The following ANO2 variants were observed in gnomAD, a reference collection of about 807,000 sequenced individuals.
ANO2 encodes the protein anoctamin-2.
ANO2 carries 101 observed loss-of-function variants against 124.2 expected under a neutral mutation model. That is an observed-to-expected ratio of 0.81 (90% CI 0.69 to 0.96). The LOEUF is 0.96. Among genes scored for constraint, ANO2 ranks in the 40% least tolerant of loss-of-function variants. The pLI, the probability that ANO2 is intolerant of heterozygous loss-of-function variation, is 0.00. For missense variants in ANO2, 1,293 were observed against 1,274.5 expected (o/e 1.01, Z -0.22); for synonymous variants, 486 against 482.5 (o/e 1.01, Z -0.09).
intron 7 of ANO2, among the ~76,000 whole-genome samples, chr12:5,827,162 C>A (rs1340982080): frequency 3.3e-5 from 5 of 152,218 alleles, no homozygotes; most frequent in Non-Finnish European, 7.3e-5. Flanking sequence ...AGGATCTGGA[C>A]TGCCTGCCTT....
In ANO2 at chr12:5,635,223, A is replaced by G. The variant is rs971133766; in HGVS notation, c.1745T>C (p.Ile582Thr). 19 of 1,612,188 alleles carry G rather than the reference A, an allele frequency of 1.2e-5. No homozygotes were observed. The highest frequency in any genetic ancestry group is 1.5e-5 in the Non-Finnish European group (18 of 1,179,486). Residue 582 changes from isoleucine to threonine, a missense_variant, in exon 16 of 25, where the codon ATC becomes ACC. Ile to Thr is a moderately conservative substitution (Grantham distance 89). Transcript: ENST00000682330. This position sits in a 1 kb window ranked among gnomAD's most constrained non-coding sequence, Gnocchi z 5.2. ...GATGAGGATGACCACGAGGTTGATG[A>G]TGACTGCTGTTGCTGTCACTGTCAC... ...VRVTVTATAVIINLVVILILD... is the reference protein window; with the variant it reads ...VRVTVTATAVTINLVVILILD...
chr12:5,592,803 ACT>A (rs1565450050), intron 20 of ANO2, among the ~76,000 whole-genome samples: 1 of 151,710 alleles, frequency 6.6e-6, no homozygotes, highest in Non-Finnish European at 1.5e-5. Flanking sequence ...ACAAATAGAA[ACT>A]CTCCCCAGTT....
intron 15 of ANO2, among the ~76,000 whole-genome samples, chr12:5,647,370 T>C (rs1475616343): frequency 6.6e-6 from 1 of 152,236 alleles, no homozygotes; most frequent in African/African-American, 2.4e-5. Context: ...GAGCCCAAGC[T>C]GGCTATCTCC....
At chr12:5,749,321 G>A (rs1169396992) in intron 11 of ANO2, among the ~76,000 whole-genome samples, 6 of 152,120 alleles carry the variant, frequency 3.9e-5, no homozygotes, top group African/African-American at 1.4e-4. Context: ...AAGCTATCCT[G>A]CCCCCTAGCC....
At chr12:5,796,496 G>A (rs1348035254) in intron 10 of ANO2, among the ~76,000 whole-genome samples, 2 of 144,854 alleles carry the variant, frequency 1.4e-5, no homozygotes, top group Non-Finnish European at 3.0e-5. Context: ...ACAACACACA[G>A]AGACACACTC....
At chr12:5,714,883 A>T (rs1408314989) in intron 14 of ANO2, among the ~76,000 whole-genome samples, 3 of 152,214 alleles carry the variant, frequency 2.0e-5, no homozygotes, top group South Asian at 2.1e-4. Flanking sequence ...GCCCTATCAG[A>T]TTTGTTTGGG....
chr12:5,829,957 C>G (rs1439551052), intron 6 of ANO2, among the ~76,000 whole-genome samples: 1 of 152,154 alleles, frequency 6.6e-6, no homozygotes, highest in African/African-American at 2.4e-5. Context: ...TATAGAAATT[C>G]ACATGACTCT....
chr12:5,912,982 CAT>C (rs1407829355), intron 3 of ANO2, among the ~76,000 whole-genome samples: 17 of 152,160 alleles, frequency 1.1e-4, no homozygotes, highest in Admixed American at 1.1e-3. Flanking sequence ...CACAAGCAAC[CAT>C]CCCACTCCAG....
At chr12:5,795,065 A>C (rs1952807637) in intron 10 of ANO2, among the ~76,000 whole-genome samples, 1 of 151,392 alleles carries the variant, frequency 6.6e-6, no homozygotes, top group Non-Finnish European at 1.5e-5. Context: ...GCCCAGAGAC[A>C]AGGAGGGATG....
At position 5,676,183 on chromosome 12, in the gene ANO2, C is replaced by G. The variant is rs544492632; in HGVS notation, c.1546-28382G>C. 7.9e-5 allele frequency among the ~76,000 whole-genome samples: 12 copies of G among 152,330 alleles called. No individual in the cohort carries two copies. The South Asian group carries it at 2.5e-3, about 32-fold the overall frequency. On this transcript the variant is annotated intron_variant, in intron 14 of 24. Coordinates refer to ENST00000682330, the MANE Select transcript of ANO2 (RefSeq NM_001364791.2). ...CCTCTCCTGGAGGGGAAGATGTTCTCTGGGCACCCAGATACCAAAGCAAGA... is the reference window on the plus strand; with the variant it reads ...CCTCTCCTGGAGGGGAAGATGTTCTGTGGGCACCCAGATACCAAAGCAAGA...
Position 5,605,095 on chromosome 12 carries a change from C to T in ANO2, c.2088-5466G>A, listed in dbSNP as rs146046360. Reference sequence around the variant, plus strand: ...TGGGCCCTAGACAGGTCCCTACAGACGTGGCTCCACAGATCTTTAGCCTCA... The same window carrying T: ...TGGGCCCTAGACAGGTCCCTACAGATGTGGCTCCACAGATCTTTAGCCTCA... On this transcript the variant is annotated intron_variant, in intron 19 of 24. Transcript: ENST00000682330. Among the ~76,000 whole-genome samples, 1,063 of 152,196 alleles carry T rather than the reference C, an allele frequency of 7.0e-3. 6 individuals carry two copies. The highest frequency in any genetic ancestry group is 0.015 in the African/African-American group (616 of 41,514).
intron 16 of ANO2, among the ~76,000 whole-genome samples, chr12:5,615,758 T>G (rs1281408149): frequency 2.6e-5 from 4 of 152,148 alleles, no homozygotes; most frequent in African/African-American, 9.7e-5. Context: ...GATTCCTCTT[T>G]CTCTCCTTCA....
chr12:5,895,796 GA>G lies in ANO2; in HGVS notation c.534+25243del, dbSNP rs939256112. Reference sequence around the variant, plus strand: ...CCCACTTCTGGGTAGCTACCCAAAGGAAAAAAAAAAAGTCATTATATGAAAA... The same window carrying G: ...CCCACTTCTGGGTAGCTACCCAAAGGAAAAAAAAAAGTCATTATATGAAAA... On this transcript the variant is annotated intron_variant, in intron 3 of 24. Transcript: ENST00000682330. Among the ~76,000 whole-genome samples the G allele has an allele frequency of 6.6e-3, 934 of 141,768 alleles. 6 individuals are homozygous for G. The highest frequency in any genetic ancestry group is 0.022 in the African/African-American group (853 of 38,872). 93.0% of individuals were successfully genotyped at this position (141,768 alleles called of 152,430 possible).
At chr12:5,922,524 G>A (rs909199357) in intron 2 of ANO2, 96 bp downstream of exon 2, 2 of 1,334,072 alleles carry the variant, frequency 1.5e-6, no homozygotes, top group African/African-American at 3.0e-5. Context: ...ACGCACACAT[G>A]TGCTCCCAAC....
intron 19 of ANO2, among the ~76,000 whole-genome samples, chr12:5,600,840 C>T (rs556218970): frequency 6.6e-6 from 1 of 152,294 alleles, no homozygotes; most frequent in East Asian, 1.9e-4. Context: ...CCCATGTCCC[C>T]CAACATTCTT....
intron 3 of ANO2, among the ~76,000 whole-genome samples, 190 bp downstream of exon 3, chr12:5,920,850 G>C (rs910336148): frequency 6.6e-6 from 1 of 152,034 alleles, no homozygotes; most frequent in Non-Finnish European, 1.5e-5. Context: ...CTTGGTGACA[G>C]AGCAAGACTC....
In ANO2 at chr12:5,647,761, C is replaced by G. The variant is rs765202673; in HGVS notation, c.1586G>C (p.Gly529Ala). 34 of 1,610,476 alleles carry G rather than the reference C, an allele frequency of 2.1e-5. No individual in the cohort carries two copies. The highest frequency in any genetic ancestry group is 5.9e-6 in the Non-Finnish European group (7 of 1,178,744). Reference sequence around the variant, plus strand: ...GATGGAGGCAAAGTTCATCAGGTAACCTGGGAAACGATCCTTCCAGGTCAG... The same window carrying G: ...GATGGAGGCAAAGTTCATCAGGTAAGCTGGGAAACGATCCTTCCAGGTCAG... The part of the protein sequence containing the change: ...DKLTWKDRFP[G>A]YLMNFASILF... Residue 529 changes from glycine to alanine, a missense_variant, in exon 15 of 25, where the codon GGT becomes GCT. Gly to Ala is a moderately conservative substitution (Grantham distance 60, BLOSUM62 0). Transcript: ENST00000682330.
At chr12:5,749,396 C>T (rs1238398236) in intron 11 of ANO2, among the ~76,000 whole-genome samples, 5 of 152,162 alleles carry the variant, frequency 3.3e-5, no homozygotes, top group African/African-American at 1.2e-4. Context: ...TCACTTGAGA[C>T]CAATCGAGTA....
chr12:5,867,895 G>A (rs35196210), intron 3 of ANO2, among the ~76,000 whole-genome samples: 50,678 of 151,924 alleles, frequency 0.33, 9,881 homozygotes, highest in African/African-American at 0.53. Flanking sequence ...GAGTAAAAGG[G>A]TGGTTACCAG....
Sources: gnomAD v4.1 joint callset for allele counts (sites outside exome capture counted in the v4.1 genomes callset) on GRCh38, gnomAD v4.1.1 for gene constraint, Gnocchi (gnomAD v3.1) non-coding constraint, MANE v1.5 for transcripts, NCBI Gene and HGNC (gene_info 2026-07-23, HGNC 2026-07-21) for gene names.